Variants in FGF1 observed in about 807,000 individuals in gnomAD.
The protein encoded by FGF1 is fibroblast growth factor 1.
Under a neutral mutation model 13.4 loss-of-function variants are expected in FGF1, and 9 were observed. That is an observed-to-expected ratio of 0.67 (90% CI 0.40 to 1.17). The LOEUF (loss-of-function observed/expected upper bound fraction) is 1.17. Among genes scored for constraint, FGF1 ranks in the 50% most tolerant of loss-of-function variants. FGF1 has a pLI of 0.01. For synonymous variants in FGF1, 93 were observed against 79.0 expected, an observed-to-expected ratio of 1.18 and a Z score of -0.94; for missense variants, 156 against 192.7, an observed-to-expected ratio of 0.81 and a Z score of 1.13.
intron 2 of FGF1, among the ~76,000 whole-genome samples, chr5:142,607,293 C>G (rs936016666): frequency 1.3e-5 from 2 of 152,158 alleles, no homozygotes; most frequent in Admixed American, 6.5e-5. Context: ...TTCAATACCC[C>G]CCGACCAGGT....
intron 2 of FGF1, among the ~76,000 whole-genome samples, chr5:142,609,290 G>A (rs543892454): frequency 1.1e-4 from 17 of 152,276 alleles, no homozygotes; most frequent in African/African-American, 3.4e-4. Context: ...GAGTGGTGCC[G>A]GTAATTCTGC....
At position 142,631,017 on chromosome 5, in the gene FGF1, G is replaced by A. The variant is rs80331099; in HGVS notation, c.-34-16856C>T. Among the ~76,000 whole-genome samples, 240 of 152,280 alleles carry A rather than the reference G, an allele frequency of 1.6e-3. 2 individuals carry two copies. Among genetic ancestry groups the A allele is most frequent in the East Asian group, 0.011 (56 of 5,182 alleles). On this transcript the variant is annotated intron_variant, in intron 1 of 3. Coordinates refer to ENST00000337706, the MANE Select transcript of FGF1 (RefSeq NM_000800.5). ...AACACCTTCTGCGCAGCCCTCAAAC[G>A]ATGGCCAGCACAGAGGAATTGCTCA...
At chr5:142,661,573 A>G (rs1049166109) in intron 1 of FGF1, among the ~76,000 whole-genome samples, 8 of 152,258 alleles carry the variant, frequency 5.3e-5, no homozygotes, top group African/African-American at 1.9e-4. Context: ...AAAAATGGAA[A>G]GCAACAAATG....
At chr5:142,675,733 G>A (rs760593826) in intron 1 of FGF1, among the ~76,000 whole-genome samples, 1 of 152,182 alleles carries the variant, frequency 6.6e-6, no homozygotes, top group Non-Finnish European at 1.5e-5. Context: ...GGAGCATCGG[G>A]CAGCCAAAAT....
chr5:142,665,376 C>T (rs1425982966), intron 1 of FGF1, among the ~76,000 whole-genome samples: 1 of 151,940 alleles, frequency 6.6e-6, no homozygotes, highest in Non-Finnish European at 1.5e-5. Flanking sequence ...GGACTTTGGC[C>T]CCTTCTGGAA....
At chr5:142,626,596 T>A (rs1329461561) in intron 1 of FGF1, 1 of 152,286 alleles carries the variant, frequency 6.6e-6, no homozygotes, top group African/African-American at 2.4e-5. Flanking sequence ...GTACAGCCCA[T>A]TCGTTCATGT....
chr5:142,625,692 C>T (rs888830290), intron 1 of FGF1, among the ~76,000 whole-genome samples: 1 of 152,204 alleles, frequency 6.6e-6, no homozygotes, highest in South Asian at 2.1e-4. Context: ...CAGGGCTTCA[C>T]GCCAAATGCA....
chr5:142,637,640 A>G (rs1764501144), intron 1 of FGF1, among the ~76,000 whole-genome samples: 1 of 151,938 alleles, frequency 6.6e-6, no homozygotes, highest in South Asian at 2.1e-4. Context: ...TTAATAGTTG[A>G]CAAACAGTGC....
intron 2 of FGF1, among the ~76,000 whole-genome samples, chr5:142,606,832 C>A (rs12717902): frequency 0.08 from 12,180 of 152,178 alleles, 828 homozygotes; most frequent in East Asian, 0.18. Context: ...TAAGAACAGC[C>A]AGCTGGTGAC....
intron 1 of FGF1, among the ~76,000 whole-genome samples, chr5:142,642,096 A>G (rs185651677): frequency 6.6e-6 from 1 of 152,352 alleles, no homozygotes; most frequent in Non-Finnish European, 1.5e-5. Flanking sequence ...AAAGCAGAAA[A>G]GCAAGAGTTA....
intron 1 of FGF1, among the ~76,000 whole-genome samples, chr5:142,666,290 AC>A (rs1454538925): frequency 1.3e-4 from 20 of 151,138 alleles, no homozygotes; most frequent in African/African-American, 4.9e-4. Flanking sequence ...ACACACACAC[AC>A]ACACACACAC....
upstream of FGF1, among the ~76,000 whole-genome samples, chr5:142,687,318 G>A (rs1333784126): frequency 6.6e-6 from 1 of 152,220 alleles, no homozygotes; most frequent in Admixed American, 6.5e-5. Flanking sequence ...GAGCATGGGG[G>A]TGTGGGGAAG....
intron 1 of FGF1, among the ~76,000 whole-genome samples, chr5:142,628,078 C>T (rs959385949): frequency 3.3e-5 from 5 of 152,108 alleles, no homozygotes; most frequent in Non-Finnish European, 7.4e-5. Flanking sequence ...CACCAAAGGC[C>T]CCAGGACATG....
intron 1 of FGF1, among the ~76,000 whole-genome samples, chr5:142,671,234 C>A (rs1771401402): frequency 6.6e-6 from 1 of 152,154 alleles, no homozygotes. Context: ...TTCAGGAGAA[C>A]CTTCTATGTA....
chr5:142,653,403 G>T (rs1014956933), intron 1 of FGF1, among the ~76,000 whole-genome samples: 2 of 152,192 alleles, frequency 1.3e-5, no homozygotes, highest in African/African-American at 4.8e-5. Context: ...GCACATAGAA[G>T]TGAAGGCTGT....
At chr5:142,687,024 T>C (rs977889447), upstream of FGF1, among the ~76,000 whole-genome samples, 3 of 152,158 alleles carry the variant, frequency 2.0e-5, no homozygotes, top group African/African-American at 4.8e-5. Flanking sequence ...AGAGCTGTCT[T>C]TGAAGAAACC....
chr5:142,619,557 A>G (rs1761051671), intron 1 of FGF1, among the ~76,000 whole-genome samples: 1 of 152,228 alleles, frequency 6.6e-6, no homozygotes, highest in African/African-American at 2.4e-5. Context: ...AAAGAAATAG[A>G]ATGTATTTAG....
chr5:142,606,218 CTGTG>C (rs61445131), intron 2 of FGF1, among the ~76,000 whole-genome samples: 1 of 143,066 alleles, frequency 7.0e-6, no homozygotes, highest in Non-Finnish European at 1.5e-5. Flanking sequence ...CTTTCTCTCT[CTGTG>C]TGTGTGTGTG....
chr5:142,635,669 A>G (rs1023869359), intron 1 of FGF1, among the ~76,000 whole-genome samples: 11 of 152,288 alleles, frequency 7.2e-5, no homozygotes, highest in African/African-American at 1.9e-4. Flanking sequence ...TTCTTCCCCA[A>G]AGTAGGGCCC....
Sources: gnomAD v4.1 joint callset for allele counts (sites outside exome capture counted in the v4.1 genomes callset) on GRCh38, gnomAD v4.1.1 for gene constraint, MANE v1.5 for transcripts, NCBI Gene and HGNC (gene_info 2026-07-23, HGNC 2026-07-21) for gene names.